Variants in SUPT3H observed in about 807,000 individuals in gnomAD.
The protein encoded by SUPT3H is transcription initiation protein SPT3 homolog.
A neutral mutation model predicts 44.3 loss-of-function variants in SUPT3H; 44 were observed. The observed-to-expected ratio is 0.99, with a 90% CI of 0.78 to 1.28. The LOEUF (loss-of-function observed/expected upper bound fraction) is 1.28. SUPT3H is among the 50% of genes most tolerant of loss of function. SUPT3H has a pLI of 0.00. For missense variants in SUPT3H, 380 were observed against 387.1 expected, an observed-to-expected ratio of 0.98 and a Z score of 0.15; for synonymous variants, 124 against 125.6, an observed-to-expected ratio of 0.99 and a Z score of 0.09.
At chr6:44,950,302 T>A (rs898731866) in intron 9 of SUPT3H, among the ~76,000 whole-genome samples, 1 of 152,136 alleles carries the variant, frequency 6.6e-6, no homozygotes, top group Non-Finnish European at 1.5e-5. Context: ...ACTAAAAAAA[T>A]TCCTTATCAG....
chr6:45,076,069 C>G (rs953197697), intron 3 of SUPT3H, among the ~76,000 whole-genome samples: 7 of 151,916 alleles, frequency 4.6e-5, no homozygotes, highest in Non-Finnish European at 8.8e-5. Context: ...TTTGACCTAC[C>G]TACTGCTTTT....
intron 10 of SUPT3H, among the ~76,000 whole-genome samples, chr6:44,851,129 G>A (rs547995732): frequency 1.1e-4 from 17 of 152,252 alleles, no homozygotes; most frequent in African/African-American, 4.1e-4. Flanking sequence ...ACCACAGGAA[G>A]GGATCAGCCT....
chr6:45,000,024 G>A (rs7775717), intron 6 of SUPT3H, among the ~76,000 whole-genome samples: 90,742 of 151,638 alleles, frequency 0.6, 28,052 homozygotes, highest in African/African-American at 0.77. Context: ...TGGGCATAGT[G>A]TATACATGTA....
chr6:45,202,809 GTAGT>G (rs367989724), intron 2 of SUPT3H, among the ~76,000 whole-genome samples: 3 of 152,050 alleles, frequency 2.0e-5, no homozygotes, highest in East Asian at 1.9e-4. Flanking sequence ...TTTAACAGAG[GTAGT>G]TAGTACTTAC....
intron 2 of SUPT3H, among the ~76,000 whole-genome samples, chr6:45,308,989 AG>A (rs1423659929): frequency 1.3e-5 from 2 of 151,726 alleles, no homozygotes; most frequent in Non-Finnish European, 2.9e-5. Context: ...GAAAAAAAAA[AG>A]GTGCACAATT....
chr6:45,020,578 C>G lies in SUPT3H; in HGVS notation c.241G>C (p.Glu81Gln). Residue 81 changes from glutamate (E) to glutamine (Q), a missense_variant, in exon 4 of 11, where the codon GAA becomes CAA. By Grantham distance (29) the Glu-to-Gln change is conservative (BLOSUM62 2). Coordinates refer to ENST00000371459, the MANE Select transcript of SUPT3H (RefSeq NM_003599.4). ...QLRGARVITP[E>Q]DLLFLMRKDK... ...TTGCGCATCAAAAACAGAAGATCTTCAGGAGTGATTACCCTTGCTCCCCGC... is the reference window on the plus strand; with the variant it reads ...TTGCGCATCAAAAACAGAAGATCTTGAGGAGTGATTACCCTTGCTCCCCGC... 6.8e-6 allele frequency: 11 copies of G among 1,611,650 alleles called. No homozygotes were observed. The highest frequency in any genetic ancestry group is 9.3e-6 in the Non-Finnish European group (11 of 1,178,378).
At chr6:45,311,648 G>A (rs1783969417) in intron 2 of SUPT3H, among the ~76,000 whole-genome samples, 1 of 152,086 alleles carries the variant, frequency 6.6e-6, no homozygotes, top group African/African-American at 2.4e-5. Flanking sequence ...GAAGGGATTG[G>A]GGCCCTATCT....
At chr6:44,948,760 T>G (rs1011190217) in intron 9 of SUPT3H, among the ~76,000 whole-genome samples, 5 of 152,012 alleles carry the variant, frequency 3.3e-5, no homozygotes, top group African/African-American at 4.8e-5. Flanking sequence ...GGAGAGGATG[T>G]GGAGAAATAG....
intron 10 of SUPT3H, among the ~76,000 whole-genome samples, chr6:44,915,719 T>C (rs943741087): frequency 2.0e-5 from 3 of 152,196 alleles, no homozygotes; most frequent in Non-Finnish European, 4.4e-5. Flanking sequence ...TCATTTCTAT[T>C]GATAATAACT....
At chr6:45,376,574 T>C (rs1259935353) in intron 1 of SUPT3H, among the ~76,000 whole-genome samples, 1 of 152,218 alleles carries the variant, frequency 6.6e-6, no homozygotes, top group African/African-American at 2.4e-5. Flanking sequence ...CAGAAACTGC[T>C]AGTGAAAAGT....
At chr6:45,270,176 T>C (rs937165960) in intron 2 of SUPT3H, among the ~76,000 whole-genome samples, 2 of 152,170 alleles carry the variant, frequency 1.3e-5, no homozygotes, top group Non-Finnish European at 2.9e-5. Flanking sequence ...ATAAGCTCCA[T>C]CAAGGTCAAG....
At chr6:45,283,740 T>A (rs1015152596) in intron 2 of SUPT3H, among the ~76,000 whole-genome samples, 1 of 151,386 alleles carries the variant, frequency 6.6e-6, no homozygotes, top group Admixed American at 6.6e-5. Flanking sequence ...ACAGACATAA[T>A]AGACATCTAC....
chr6:45,070,739 C>CAAAA lies in SUPT3H; in HGVS notation c.186+35179_186+35182dup, dbSNP rs11393241. 2.1e-3 allele frequency among the ~76,000 whole-genome samples: 220 copies of CAAAA among 102,842 alleles called. 5 individuals are homozygous for CAAAA. Among genetic ancestry groups the CAAAA allele is most frequent in the Middle Eastern group, 0.015 (2 of 132 alleles). 67.5% of individuals were successfully genotyped at this position (102,842 alleles called of 152,430 possible). On this transcript the variant is annotated intron_variant, in intron 3 of 10. Transcript: ENST00000371459. The stretch of plus-strand genomic sequence containing the variant: ...AATAAGAGCAAAACTCTGTCTCAAA[C>CAAAA]AAAAAAAAAAAAAAAAAAAAGAAAT...
intron 2 of SUPT3H, among the ~76,000 whole-genome samples, chr6:45,239,273 C>T (rs542322517): frequency 6.6e-6 from 1 of 152,332 alleles, no homozygotes; most frequent in Admixed American, 6.5e-5. Context: ...TTTTACGTTA[C>T]TCATATTACA....
At chr6:44,940,278 T>C (rs1337278615) in intron 9 of SUPT3H, among the ~76,000 whole-genome samples, 1 of 152,110 alleles carries the variant, frequency 6.6e-6, no homozygotes, top group Admixed American at 6.5e-5. Flanking sequence ...AATCTTTTAA[T>C]GTGTCTTAAT....
intron 2 of SUPT3H, among the ~76,000 whole-genome samples, chr6:45,191,213 A>G (rs745451391): frequency 6.6e-6 from 1 of 152,082 alleles, no homozygotes; most frequent in African/African-American, 2.4e-5. Flanking sequence ...ATATCCATAT[A>G]ATGAAAAATT....
chr6:45,248,958 G>C (rs970382823), intron 2 of SUPT3H, among the ~76,000 whole-genome samples: 1 of 150,952 alleles, frequency 6.6e-6, no homozygotes, highest in African/African-American at 2.4e-5. Context: ...ATGGCAATGC[G>C]AAATACAAAG....
At chr6:45,159,902 C>T (rs1808650776) in intron 2 of SUPT3H, among the ~76,000 whole-genome samples, 1 of 152,164 alleles carries the variant, frequency 6.6e-6, no homozygotes, top group Admixed American at 6.6e-5. Flanking sequence ...AGTTAAAACA[C>T]ACCCACACCT....
chr6:44,936,674 T>G (rs1030891909), intron 9 of SUPT3H, among the ~76,000 whole-genome samples: 1 of 152,262 alleles, frequency 6.6e-6, no homozygotes, highest in African/African-American at 2.4e-5. Context: ...TTTCGTTCCT[T>G]ATTTCTTTTT....
Sources: gnomAD v4.1 joint callset for allele counts (sites outside exome capture counted in the v4.1 genomes callset) on GRCh38, gnomAD v4.1.1 for gene constraint, MANE v1.5 for transcripts, NCBI Gene and HGNC (gene_info 2026-07-23, HGNC 2026-07-21) for gene names.